NEGR1: variants seen among roughly 807,000 people sequenced by gnomAD.
NEGR1 encodes the protein neuronal growth regulator 1, also known as IgLON family member 4.
Under a neutral mutation model 40.9 loss-of-function variants are expected in NEGR1, and 10 were observed. That is an observed-to-expected ratio of 0.24 (90% CI 0.15 to 0.42). The LOEUF (loss-of-function observed/expected upper bound fraction) is 0.42. Among genes scored for constraint, NEGR1 ranks in the 10% least tolerant of loss-of-function variants. NEGR1 has a pLI of 1.00. For synonymous variants in NEGR1, 185 were observed against 166.8 expected (o/e 1.11, Z -0.84); for missense variants, 352 against 438.9 (o/e 0.80, Z 1.77).
chr1:72,053,271 G>A (rs1461528420), intron 1 of NEGR1, among the ~76,000 whole-genome samples: 1 of 150,976 alleles, frequency 6.6e-6, no homozygotes, highest in Non-Finnish European at 1.5e-5. Context: ...GAAAGACATT[G>A]TCATCTTATT....
chr1:72,261,763 C>T (rs759775705), intron 1 of NEGR1, among the ~76,000 whole-genome samples: 14 of 151,888 alleles, frequency 9.2e-5, no homozygotes, highest in Non-Finnish European at 2.1e-4. Context: ...AATTCAGAAA[C>T]AGAAAGTTAA....
chr1:71,592,059 T>C (rs902067161), intron 6 of NEGR1, among the ~76,000 whole-genome samples: 2 of 152,138 alleles, frequency 1.3e-5, no homozygotes, highest in Non-Finnish European at 2.9e-5. Flanking sequence ...TCTCTAGTCT[T>C]CTTTGAACAT....
At chr1:72,116,535 T>C (rs1275434519) in intron 1 of NEGR1, among the ~76,000 whole-genome samples, 2 of 151,726 alleles carry the variant, frequency 1.3e-5, no homozygotes, top group African/African-American at 2.4e-5. Context: ...AATCAATTAG[T>C]TGAATGAAAA....
intron 4 of NEGR1, among the ~76,000 whole-genome samples, chr1:71,685,103 A>C (rs565938608): frequency 4.7e-4 from 72 of 152,108 alleles, no homozygotes; most frequent in Non-Finnish European, 7.9e-4. Context: ...TGTTCAATTA[A>C]TCATGTTAGT....
At chr1:71,924,356 GTCTT>G (rs1397017354) in intron 2 of NEGR1, among the ~76,000 whole-genome samples, 14 of 152,164 alleles carry the variant, frequency 9.2e-5, no homozygotes, top group African/African-American at 3.1e-4. Flanking sequence ...GACTTCATAA[GTCTT>G]TATTGACATA....
At chr1:71,689,630 T>C (rs1383549849) in intron 4 of NEGR1, among the ~76,000 whole-genome samples, 3 of 152,016 alleles carry the variant, frequency 2.0e-5, no homozygotes, top group African/African-American at 7.2e-5. Context: ...TATTTGGCAA[T>C]CCATATATTT....
At chr1:71,938,784 C>A (rs1645933611) in intron 1 of NEGR1, among the ~76,000 whole-genome samples, 2 of 151,958 alleles carry the variant, frequency 1.3e-5, no homozygotes, top group African/African-American at 4.8e-5. Context: ...GCATGAACAG[C>A]CATCATGCAG....
intron 6 of NEGR1, among the ~76,000 whole-genome samples, chr1:71,506,636 G>A (rs564142914): frequency 6.6e-6 from 1 of 152,230 alleles, no homozygotes; most frequent in African/African-American, 2.4e-5. Flanking sequence ...CCTGAATCCT[G>A]CCAGTTTCCT....
chr1:71,600,579 C>T (rs1432538435), intron 5 of NEGR1, among the ~76,000 whole-genome samples: 1 of 152,028 alleles, frequency 6.6e-6, no homozygotes, highest in Non-Finnish European at 1.5e-5. Flanking sequence ...AACAAAGGAG[C>T]CAACATGTGA....
In NEGR1 at chr1:71,611,033, C is replaced by G; in HGVS notation, c.781G>C (p.Glu261Gln). 6.2e-7 allele frequency: 1 copy of G among 1,613,358 alleles called. No individual in the cohort carries two copies. The highest frequency in any genetic ancestry group is 8.5e-7 in the Non-Finnish European group (1 of 1,179,564). ...PPPAFEWYKG[E>Q]KKLFNGQQGI... ...TAATCACAAAGTCCTCACTTCTTCTCTCCTTTGTACCATTCAAAGGCTGGA... is the reference window on the plus strand; with the variant it reads ...TAATCACAAAGTCCTCACTTCTTCTGTCCTTTGTACCATTCAAAGGCTGGA... The change falls in exon 5 of 7, where the codon GAG (glutamate) becomes CAG (glutamine). Residue 261 changes from glutamate to glutamine, a missense_variant. Physicochemically the swap from Glu to Gln is conservative, Grantham distance 29. This residue lies in a region of NEGR1 where 184 missense variants were observed against 208.7 expected (regional missense o/e 0.88). Transcript: ENST00000357731.
intron 2 of NEGR1, among the ~76,000 whole-genome samples, chr1:71,809,301 T>C (rs191311579): frequency 1.2e-3 from 184 of 152,316 alleles, no homozygotes; most frequent in Middle Eastern, 6.8e-3. Context: ...TAGGCCTTGG[T>C]CTCATCTTTA....
At chr1:71,475,476 G>A (rs1486010504) in intron 6 of NEGR1, among the ~76,000 whole-genome samples, 1 of 151,934 alleles carries the variant, frequency 6.6e-6, no homozygotes, top group Non-Finnish European at 1.5e-5. Flanking sequence ...TGATATATTT[G>A]TACGCTAACA....
chr1:72,147,120 A>G (rs1212683906), intron 1 of NEGR1, among the ~76,000 whole-genome samples: 1 of 152,226 alleles, frequency 6.6e-6, no homozygotes, highest in Non-Finnish European at 1.5e-5. Flanking sequence ...ATCGGGCATA[A>G]GTCATATAAG....
chr1:72,189,392 T>A (rs1479656378), intron 1 of NEGR1, among the ~76,000 whole-genome samples: 1 of 151,534 alleles, frequency 6.6e-6, no homozygotes, highest in Non-Finnish European at 1.5e-5. Context: ...GCTAGAAAAT[T>A]TCAATGTATC....
chr1:71,608,845 T>C (rs1650152064), intron 5 of NEGR1, among the ~76,000 whole-genome samples: 1 of 152,156 alleles, frequency 6.6e-6, no homozygotes, highest in South Asian at 2.1e-4. Flanking sequence ...AAATATTACT[T>C]CTTGGGCTTC....
At chr1:72,240,546 C>G (rs1470064886) in intron 1 of NEGR1, among the ~76,000 whole-genome samples, 1 of 151,784 alleles carries the variant, frequency 6.6e-6, no homozygotes. Context: ...CTTGGCTACA[C>G]CAGTATGACC....
At chr1:72,115,923 C>A (rs904102316) in intron 1 of NEGR1, among the ~76,000 whole-genome samples, 4 of 151,644 alleles carry the variant, frequency 2.6e-5, no homozygotes, top group African/African-American at 9.7e-5. Flanking sequence ...TTGGGTTGAA[C>A]CAGAAATAGG....
chr1:71,691,136 G>A (rs1653264186), intron 4 of NEGR1, among the ~76,000 whole-genome samples: 1 of 151,760 alleles, frequency 6.6e-6, no homozygotes. Flanking sequence ...AATAGTCTTG[G>A]CACACTAGTC....
chr1:71,949,090 T>C (rs1050189514), intron 1 of NEGR1, among the ~76,000 whole-genome samples: 1 of 152,138 alleles, frequency 6.6e-6, no homozygotes, highest in Non-Finnish European at 1.5e-5. Flanking sequence ...GAATCATAAC[T>C]CTTCCTGTGA....
Sources: gnomAD v4.1 joint callset for allele counts (sites outside exome capture counted in the v4.1 genomes callset) on GRCh38, gnomAD v4.1.1 for gene constraint, gnomAD v4.1.1 regional missense constraint, MANE v1.5 for transcripts, NCBI Gene and HGNC (gene_info 2026-07-23, HGNC 2026-07-21) for gene names.